PPARG: variants seen among roughly 807,000 people sequenced by gnomAD.
The protein encoded by PPARG is peroxisome proliferator activated receptor gamma, also known as peroxisome proliferator-activated receptor gamma.
A neutral mutation model predicts 39.2 loss-of-function variants in PPARG; 17 were observed. The ratio of observed to expected loss-of-function variants is 0.43; its 90% CI spans 0.30 to 0.65. The LOEUF is 0.65. Among genes scored for constraint, PPARG ranks in the 30% least tolerant of loss-of-function variants. PPARG has a pLI of 0.13. For synonymous variants in PPARG, 223 were observed against 215.7 expected (o/e 1.03, Z -0.30); for missense variants, 406 against 585.9 (o/e 0.69, Z 3.17).
At chr3:12,329,019 T>A (rs1574999704) in intron 2 of PPARG, among the ~76,000 whole-genome samples, 2 of 152,278 alleles carry the variant, frequency 1.3e-5, no homozygotes, top group Admixed American at 6.5e-5. Flanking sequence ...GGGGCAATGG[T>A]GTGCTCCAGC....
chr3:12,300,745 T>A (rs961354330), intron 1 of PPARG, among the ~76,000 whole-genome samples: 2 of 152,376 alleles, frequency 1.3e-5, no homozygotes, highest in African/African-American at 4.8e-5. Flanking sequence ...GATTATTTGA[T>A]GTCATGTCTG....
intron 5 of PPARG, chr3:12,399,560 C>A: frequency 4.5e-6 from 1 of 223,660 alleles, no homozygotes; most frequent in South Asian, 5.0e-5. Flanking sequence ...GTGCTCCAGC[C>A]CAGGCAAGAG....
At chr3:12,358,859 T>C (rs1677070882) in intron 2 of PPARG, among the ~76,000 whole-genome samples, 1 of 152,236 alleles carries the variant, frequency 6.6e-6, no homozygotes, top group African/African-American at 2.4e-5. Context: ...TCACCTTTGC[T>C]ATTATATACA....
chr3:12,420,462 A>G (rs781092916), intron 7 of PPARG, among the ~76,000 whole-genome samples: 7 of 152,348 alleles, frequency 4.6e-5, no homozygotes, highest in East Asian at 3.9e-4. Context: ...TCGAAAGTCT[A>G]TCAGTTACTT....
intron 2 of PPARG, among the ~76,000 whole-genome samples, chr3:12,331,281 T>C (rs1337374912): frequency 6.6e-6 from 1 of 152,172 alleles, no homozygotes; most frequent in Non-Finnish European, 1.5e-5. Flanking sequence ...GTTAAGTTAC[T>C]GTGAGAGTTT....
At chr3:12,299,544 A>G (rs1282413118) in intron 1 of PPARG, among the ~76,000 whole-genome samples, 1 of 152,150 alleles carries the variant, frequency 6.6e-6, no homozygotes, top group African/African-American at 2.4e-5. Flanking sequence ...TAATGAAGTG[A>G]TTTCAGAGGA....
At chr3:12,410,008 A>T in intron 6 of PPARG, among the ~76,000 whole-genome samples, 1 of 152,188 alleles carries the variant, frequency 6.6e-6, no homozygotes, top group South Asian at 2.1e-4. Context: ...TTGGTGTATG[A>T]TGCCCTACTT....
At chr3:12,376,906 A>T (rs1575080111) in intron 2 of PPARG, among the ~76,000 whole-genome samples, 1 of 152,214 alleles carries the variant, frequency 6.6e-6, no homozygotes, top group South Asian at 2.1e-4. Flanking sequence ...CCTGGAGTTT[A>T]TGAGCAGCTC....
At chr3:12,346,734 A>C (rs901386582) in intron 2 of PPARG, among the ~76,000 whole-genome samples, 1 of 151,882 alleles carries the variant, frequency 6.6e-6, no homozygotes, top group Non-Finnish European at 1.5e-5. Context: ...TCCTGGGCTC[A>C]AGCATCCCTC....
intron 7 of PPARG, among the ~76,000 whole-genome samples, chr3:12,431,777 A>C (rs2051669239): frequency 6.6e-6 from 1 of 152,134 alleles, no homozygotes; most frequent in African/African-American, 2.4e-5. Context: ...CCACCTCTAC[A>C]AAAAATTTCG....
At chr3:12,324,682 C>T (rs2047642668) in intron 2 of PPARG, among the ~76,000 whole-genome samples, 1 of 152,088 alleles carries the variant, frequency 6.6e-6, no homozygotes, top group Admixed American at 6.5e-5. Context: ...GATACGTCAA[C>T]CATATAGCTT....
At chr3:12,415,537 A>G (rs1037948209) in intron 6 of PPARG, among the ~76,000 whole-genome samples, 3 of 152,214 alleles carry the variant, frequency 2.0e-5, no homozygotes, top group South Asian at 2.1e-4. Flanking sequence ...GCTTAGTTCT[A>G]TACAAGGGAA....
At chr3:12,399,820 CAAAA>C (rs36025945) in intron 5 of PPARG, among the ~76,000 whole-genome samples, 2 of 103,276 alleles carry the variant, frequency 1.9e-5, no homozygotes, top group Non-Finnish European at 1.9e-5. Context: ...CCATGTCTAC[CAAAA>C]AAAAAAAAAA....
At chr3:12,423,113 T>C (rs2051319646) in intron 7 of PPARG, among the ~76,000 whole-genome samples, 1 of 152,204 alleles carries the variant, frequency 6.6e-6, no homozygotes, top group African/African-American at 2.4e-5. Flanking sequence ...ATAATGATAC[T>C]GTTTGCAGAA....
intron 1 of PPARG, chr3:12,305,639 A>G (rs953703680): frequency 2.0e-5 from 3 of 152,206 alleles, no homozygotes; most frequent in Admixed American, 1.3e-4. Context: ...TTTATTGTCT[A>G]GAACACTGCT....
At chr3:12,358,385 G>A (rs957477966) in intron 2 of PPARG, among the ~76,000 whole-genome samples, 7 of 152,172 alleles carry the variant, frequency 4.6e-5, no homozygotes, top group Non-Finnish European at 1.0e-4. Context: ...AAACACGTCA[G>A]TTCTGTCTTC....
In PPARG at chr3:12,405,970, C is replaced by G. The variant is rs1173987879; in HGVS notation, c.618C>G (p.Ser206=). ...SSDIDQLNPE[S]ADLRALAKHL... ...ATATCGACCAGCTGAATCCAGAGTC[C>G]GCTGACCTCCGGGCCCTGGCAAAAC... Residue 206 remains serine (S), a synonymous_variant, in exon 6 of 8, where the codon TCC becomes TCG. Transcript: ENST00000651735. 1.9e-6 allele frequency: 3 copies of G among 1,614,082 alleles called. No homozygotes were observed. The highest frequency in any genetic ancestry group is 2.5e-6 in the Non-Finnish European group (3 of 1,179,992).
chr3:12,299,811 T>C (rs1397054444), intron 1 of PPARG, among the ~76,000 whole-genome samples: 1 of 152,182 alleles, frequency 6.6e-6, no homozygotes, highest in Admixed American at 6.5e-5. Context: ...TCTTGGGAGA[T>C]AAAGTTGGCT....
intron 5 of PPARG, among the ~76,000 whole-genome samples, chr3:12,396,132 T>G (rs1372408935): frequency 6.6e-6 from 1 of 151,892 alleles, no homozygotes; most frequent in Non-Finnish European, 1.5e-5. Context: ...TTATTATTAT[T>G]TTTTTTTGAG....
Sources: allele counts gnomAD v4.1 joint callset (sites outside exome capture counted in the v4.1 genomes callset), GRCh38; gene constraint gnomAD v4.1.1; transcripts MANE v1.5; gene names NCBI Gene and HGNC (gene_info 2026-07-23, HGNC 2026-07-21).